PLSCR2: variants seen among roughly 807,000 people sequenced by gnomAD.
PLSCR2 encodes the protein phospholipid scramblase 2, also known as PL scramblase 2.
In PLSCR2, 18 loss-of-function variants were observed where a neutral mutation model predicts 25.3. The observed-to-expected ratio is 0.71, with a 90% CI of 0.49 to 1.06. The LOEUF (loss-of-function observed/expected upper bound fraction) is 1.06, where lower values mean the gene tolerates loss of function less well. Ranked by LOEUF, PLSCR2 falls within the 50% of genes least tolerant of loss-of-function variation. The pLI is 0.00. For synonymous variants in PLSCR2, 88 were observed against 87.3 expected (o/e 1.01, Z -0.04); for missense variants, 243 against 269.5 (o/e 0.90, Z 0.69).
intron 1 of PLSCR2, among the ~76,000 whole-genome samples, chr3:146,468,310 T>A (rs1017843706): frequency 1.3e-5 from 2 of 152,188 alleles, no homozygotes; most frequent in African/African-American, 4.8e-5. Flanking sequence ...GGTTTGCTCT[T>A]AGGAAAAGTT....
intron 1 of PLSCR2, among the ~76,000 whole-genome samples, chr3:146,477,857 C>T (rs1308674950): frequency 6.6e-6 from 1 of 151,972 alleles, no homozygotes; most frequent in Non-Finnish European, 1.5e-5. Flanking sequence ...CTGATACAGG[C>T]AGGTGCCCCT....
At chr3:146,448,826 G>A (rs1176289642) in intron 6 of PLSCR2, among the ~76,000 whole-genome samples, 4 of 152,282 alleles carry the variant, frequency 2.6e-5, no homozygotes, top group Non-Finnish European at 5.9e-5. Context: ...ATAATCCCAT[G>A]TTAGATGTTT....
At position 146,458,462 on chromosome 3, in the gene PLSCR2, G is replaced by A. The variant is rs1174597849; in HGVS notation, c.58-9C>T. On this transcript the variant is annotated splice_polypyrimidine_tract_variant and intron_variant, in intron 2 of 6. Coordinates refer to ENST00000610787, the Ensembl canonical transcript of PLSCR2. The stretch of plus-strand genomic sequence containing the variant: ...ATTAGTATCATATCTATCTATTATA[G>A]TAAAAAGAAAATGAAGTTGTATGTC... 1 of 1,430,776 alleles carries A rather than the reference G, an allele frequency of 7.0e-7. No homozygotes were observed. Among genetic ancestry groups the A allele is most frequent in the Admixed American group, 2.4e-5 (1 of 42,124 alleles). 88.6% of individuals were successfully genotyped at this position (1,430,776 alleles called of 1,614,324 possible).
chr3:146,392,993 G>C (rs1030597137), intron 3 of PLSCR2, among the ~76,000 whole-genome samples: 3 of 140,250 alleles, frequency 2.1e-5, no homozygotes, highest in Admixed American at 1.4e-4. Context: ...TTTTGTTACG[G>C]CTTTTTAAAA....
upstream of PLSCR2, among the ~76,000 whole-genome samples, chr3:146,465,171 CT>C (rs1299582566): frequency 5.9e-5 from 9 of 152,158 alleles, no homozygotes. Flanking sequence ...AACTAATCCA[CT>C]TTTTGTATTA....
At chr3:146,398,974 A>C (rs2038371473) in intron 2 of PLSCR2, among the ~76,000 whole-genome samples, 1 of 151,848 alleles carries the variant, frequency 6.6e-6, no homozygotes, top group African/African-American at 2.4e-5. Context: ...TTTGAGAATC[A>C]ACATAGAAGT....
chr3:146,442,236 T>C (rs1247389524), intron 6 of PLSCR2, among the ~76,000 whole-genome samples: 1 of 151,964 alleles, frequency 6.6e-6, no homozygotes, highest in Non-Finnish European at 1.5e-5. Flanking sequence ...CATCGAAAAA[T>C]ATTAAATACT....
At chr3:146,402,270 A>T (rs2038498828) in intron 2 of PLSCR2, among the ~76,000 whole-genome samples, 1 of 152,186 alleles carries the variant, frequency 6.6e-6, no homozygotes, top group African/African-American at 2.4e-5. Context: ...ACATTAAGTG[A>T]CTAAATATGA....
chr3:146,483,446 CATGT>C (rs1233227683), intron 1 of PLSCR2, among the ~76,000 whole-genome samples: 1 of 41,470 alleles, frequency 2.4e-5, no homozygotes, highest in Non-Finnish European at 4.8e-5. Flanking sequence ...TATATATACA[CATGT>C]ATGTATATAT....
chr3:146,405,987 A>T (rs2038648860), intron 2 of PLSCR2, among the ~76,000 whole-genome samples: 1 of 152,148 alleles, frequency 6.6e-6, no homozygotes, highest in Non-Finnish European at 1.5e-5. Flanking sequence ...GCTTCATGAG[A>T]CCAGGATTTT....
At chr3:146,426,161 C>A (rs2039338439) in intron 2 of PLSCR2, among the ~76,000 whole-genome samples, 1 of 148,236 alleles carries the variant, frequency 6.7e-6, no homozygotes, top group Non-Finnish European at 1.5e-5. Context: ...TCTCTGTTTC[C>A]CCCCTTTATT....
At chr3:146,457,962 T>C (rs1215016054) in intron 3 of PLSCR2, among the ~76,000 whole-genome samples, 1 of 152,172 alleles carries the variant, frequency 6.6e-6, no homozygotes, top group East Asian at 1.9e-4. Flanking sequence ...AAGTCCCTGA[T>C]ATAAAATGGC....
At chr3:146,399,775 T>G in intron 2 of PLSCR2, among the ~76,000 whole-genome samples, 1 of 105,986 alleles carries the variant, frequency 9.4e-6, no homozygotes, top group South Asian at 4.5e-4. Context: ...TTGCTTGCTT[T>G]CTTCTTCCTC....
chr3:146,467,821 T>C (rs946305739), intron 1 of PLSCR2, among the ~76,000 whole-genome samples: 2 of 151,890 alleles, frequency 1.3e-5, no homozygotes, highest in Admixed American at 1.3e-4. Context: ...ATGAGGGGCG[T>C]GGTAGGGCAT....
intron 2 of PLSCR2, among the ~76,000 whole-genome samples, chr3:146,407,492 C>T (rs115165403): frequency 0.01 from 1,526 of 152,236 alleles, 20 homozygotes; most frequent in African/African-American, 0.025. Context: ...GAGACGGTGG[C>T]CTGGGCTGGG....
chr3:146,453,919 A>T, intron 5 of PLSCR2, 83 bp downstream of exon 5: 1 of 1,126,072 alleles, frequency 8.9e-7, no homozygotes, highest in Non-Finnish European at 1.2e-6. Context: ...ACACAATACT[A>T]ATTTAAGGCA....
At chr3:146,426,033 T>A (rs2039332530) in intron 2 of PLSCR2, among the ~76,000 whole-genome samples, 1 of 152,194 alleles carries the variant, frequency 6.6e-6, no homozygotes, top group South Asian at 2.1e-4. Flanking sequence ...CTTGCTAGAA[T>A]GAAATTGTTG....
intron 1 of PLSCR2, among the ~76,000 whole-genome samples, chr3:146,465,655 A>C (rs2041830475): frequency 1.3e-5 from 2 of 152,002 alleles, no homozygotes; most frequent in South Asian, 4.1e-4. Context: ...GAATTATTTT[A>C]GCAAAATTCT....
intron 2 of PLSCR2, among the ~76,000 whole-genome samples, chr3:146,408,083 G>T (rs73868803): frequency 1.3e-5 from 2 of 152,148 alleles, no homozygotes; most frequent in Non-Finnish European, 2.9e-5. Context: ...TTGAAGTAAA[G>T]TCTCTACAGC....
Sources: allele counts gnomAD v4.1 joint callset (sites outside exome capture counted in the v4.1 genomes callset), GRCh38; gene constraint gnomAD v4.1.1; transcripts MANE v1.5; gene names NCBI Gene and HGNC (gene_info 2026-07-23, HGNC 2026-07-21).